The following STPG4 variants were observed in gnomAD, a reference collection of about 807,000 sequenced individuals.
STPG4 encodes sperm-tail PG-rich repeat containing 4.
Under a neutral mutation model 31.5 loss-of-function variants are expected in STPG4, and 41 were observed. That is an observed-to-expected ratio of 1.30 (90% CI 1.01 to 1.69). The LOEUF is 1.69. Ranked by LOEUF, STPG4 falls within the 40% of genes most tolerant of loss-of-function variation. STPG4 has a pLI of 0.00. For synonymous variants in STPG4, 141 were observed against 103.0 expected (o/e 1.37, Z -2.24); for missense variants, 375 against 293.4 (o/e 1.28, Z -2.03).
At chr2:47,089,602 A>G (rs12466814) in intron 6 of STPG4, among the ~76,000 whole-genome samples, 66,904 of 151,592 alleles carry the variant, frequency 0.44, 15,039 homozygotes, top group African/African-American at 0.5. Flanking sequence ...TTCAGACCGT[A>G]TTGCAGACTG....
intron 5 of STPG4, 27 bp from the exon 6 acceptor site, chr2:47,090,401 A>G: frequency 7.2e-7 from 1 of 1,385,978 alleles, no homozygotes; most frequent in Non-Finnish European, 1.0e-6. Flanking sequence ...AAATTGCTTC[A>G]TTATTATTGT....
At chr2:47,089,157 G>C (rs1685518157) in intron 6 of STPG4, among the ~76,000 whole-genome samples, 1 of 152,204 alleles carries the variant, frequency 6.6e-6, no homozygotes, top group Non-Finnish European at 1.5e-5. Flanking sequence ...TTGCCTGGGA[G>C]TTTGGTTAGC....
chr2:47,138,766 T>C (rs149264047), intron 3 of STPG4, among the ~76,000 whole-genome samples: 2,552 of 152,322 alleles, frequency 0.017, 75 homozygotes, highest in African/African-American at 0.058. Context: ...GCCAGGATAG[T>C]CTCGATCTCT....
chr2:47,147,337 G>A (rs1686844062), intron 3 of STPG4, among the ~76,000 whole-genome samples: 1 of 152,256 alleles, frequency 6.6e-6, no homozygotes, highest in South Asian at 2.1e-4. Flanking sequence ...AGCAGTTAGG[G>A]GCAAGGGAAT....
intron 5 of STPG4, among the ~76,000 whole-genome samples, chr2:47,124,994 T>G (rs1686338653): frequency 6.6e-6 from 1 of 152,348 alleles, no homozygotes; most frequent in Non-Finnish European, 1.5e-5. Flanking sequence ...CTCATTGTAG[T>G]TTTGATTTGC....
intron 5 of STPG4, among the ~76,000 whole-genome samples, chr2:47,122,821 GTTTTGTTTTTGT>G (rs554810897): frequency 0.013 from 2,013 of 150,028 alleles, 17 homozygotes; most frequent in Non-Finnish European, 0.021. Context: ...TTGTCTGTTT[GTTTTGTTTTTGT>G]TTTTGTTTTT....
At chr2:47,127,757 T>C (rs950404479) in intron 5 of STPG4, among the ~76,000 whole-genome samples, 14 of 152,214 alleles carry the variant, frequency 9.2e-5, no homozygotes, top group Non-Finnish European at 2.9e-5. Context: ...TTAAATTTTG[T>C]TGCACTTTGT....
At chr2:47,104,917 T>A (rs1233015923) in intron 5 of STPG4, among the ~76,000 whole-genome samples, 1 of 151,942 alleles carries the variant, frequency 6.6e-6, no homozygotes, top group African/African-American at 2.4e-5. Flanking sequence ...TATACTGGCT[T>A]ATCCTTGCCC....
intron 5 of STPG4, among the ~76,000 whole-genome samples, chr2:47,104,247 A>G (rs1685856852): frequency 6.6e-6 from 1 of 151,984 alleles, no homozygotes; most frequent in African/African-American, 2.4e-5. Context: ...TTCCTTATCA[A>G]AAGCAATATC....
At chr2:47,104,332 T>C (rs150777003) in intron 5 of STPG4, among the ~76,000 whole-genome samples, 2,260 of 152,098 alleles carry the variant, frequency 0.015, 98 homozygotes, top group African/African-American at 0.051. Context: ...AGTAAGGAAA[T>C]GCAGCAGTCC....
chr2:47,135,821 C>G (rs1348949574), intron 3 of STPG4, among the ~76,000 whole-genome samples: 1 of 152,140 alleles, frequency 6.6e-6, no homozygotes, highest in African/African-American at 2.4e-5. Flanking sequence ...TTTCTGTATT[C>G]TCTATTCTGT....
In STPG4 at chr2:47,087,133, G is replaced by T; in HGVS notation, c.625-3C>A. 6.4e-7 allele frequency: 1 copy of T among 1,551,608 alleles called. No homozygotes were observed. Among genetic ancestry groups the T allele is most frequent in the South Asian group, 1.2e-5 (1 of 84,048 alleles). On this transcript the variant is annotated splice_polypyrimidine_tract_variant and splice_region_variant and intron_variant, in intron 6 of 6. Transcript: ENST00000445927. The stretch of plus-strand genomic sequence containing the variant: ...TATGCTCCTGGGCCTGGGGTTTTCT[G>T]AAAACAGAGCAGAAAACAGGGACTG...
At chr2:47,114,909 A>T (rs1294534011) in intron 5 of STPG4, among the ~76,000 whole-genome samples, 1 of 152,140 alleles carries the variant, frequency 6.6e-6, no homozygotes, top group Non-Finnish European at 1.5e-5. Context: ...CTGGGACTAC[A>T]GGCATGCTCC....
intron 1 of STPG4, among the ~76,000 whole-genome samples, chr2:47,153,704 C>T (rs1686978088): frequency 6.6e-6 from 1 of 152,074 alleles, no homozygotes. Context: ...ACTCCGTAGG[C>T]AGAGGTTGCA....
chr2:47,092,089 G>T, intron 5 of STPG4, among the ~76,000 whole-genome samples: 1 of 94,308 alleles, frequency 1.1e-5, no homozygotes, highest in Non-Finnish European at 2.3e-5. Context: ...TAGTTTTCTT[G>T]GGGTAGTGGT....
chr2:47,126,628 CAG>C lies in STPG4; in HGVS notation c.519+3311_519+3312del, dbSNP rs749988949. On this transcript the variant is annotated intron_variant, in intron 5 of 6. Transcript: ENST00000445927. ...AGGCATGAGCCACTGCACCTGGCCTCAGATGATTTCTTGTTGCTCATTAATGT... is the reference window on the plus strand; with the variant it reads ...AGGCATGAGCCACTGCACCTGGCCTCATGATTTCTTGTTGCTCATTAATGT... Among the ~76,000 whole-genome samples the C allele has an allele frequency of 2.6e-5, 4 of 152,150 alleles. No homozygotes were observed. The East Asian group carries it at 7.7e-4, about 29-fold the overall frequency.
chr2:47,097,921 C>A (rs1370071772), intron 5 of STPG4, among the ~76,000 whole-genome samples: 1 of 146,010 alleles, frequency 6.8e-6, no homozygotes, highest in Non-Finnish European at 1.5e-5. Context: ...AGTTTGAGAC[C>A]AGCCTGACCA....
intron 3 of STPG4, among the ~76,000 whole-genome samples, chr2:47,136,395 G>T (rs554917379): frequency 6.6e-6 from 1 of 152,094 alleles, no homozygotes; most frequent in African/African-American, 2.4e-5. Flanking sequence ...TGATGCACCC[G>T]CTTTGGCCTC....
At chr2:47,125,749 G>A (rs950728193) in intron 5 of STPG4, among the ~76,000 whole-genome samples, 17 of 150,946 alleles carry the variant, frequency 1.1e-4, no homozygotes, top group Non-Finnish European at 2.4e-4. Context: ...ACTAGAGACA[G>A]GGTCTCCCTA....
Sources: gnomAD v4.1 joint callset for allele counts (sites outside exome capture counted in the v4.1 genomes callset) on GRCh38, gnomAD v4.1.1 for gene constraint, MANE v1.5 for transcripts, NCBI Gene and HGNC (gene_info 2026-07-23, HGNC 2026-07-21) for gene names.